Variants in CNKSR2 observed in about 807,000 individuals in gnomAD.
The protein encoded by CNKSR2 is connector enhancer of kinase suppressor of Ras 2, also known as CNK homolog protein 2.
Under a neutral mutation model 84.4 loss-of-function variants are expected in CNKSR2, and 14 were observed. That is an observed-to-expected ratio of 0.17 (90% CI 0.11 to 0.26). The LOEUF (loss-of-function observed/expected upper bound fraction) is 0.26. CNKSR2 is among the 10% of genes least tolerant of loss of function. The pLI is 1.00. For missense variants in CNKSR2, 485 were observed against 771.2 expected, an observed-to-expected ratio of 0.63 and a Z score of 4.40; for synonymous variants, 275 against 277.9, an observed-to-expected ratio of 0.99 and a Z score of 0.10.
At chrX:21,486,160 T>C (rs985531542) in intron 5 of CNKSR2, among the ~76,000 whole-genome samples, 2 of 111,966 alleles carry the variant, frequency 1.8e-5, no homozygotes, top group Admixed American at 9.5e-5. Context: ...TAATTTGATA[T>C]GAATATTGCG....
intron 4 of CNKSR2, among the ~76,000 whole-genome samples, chrX:21,454,421 T>A (rs2147111990): frequency 8.9e-6 from 1 of 112,489 alleles, no homozygotes; most frequent in Non-Finnish European, 1.9e-5. Context: ...GCTTATTAAA[T>A]AATCTTATTG....
intron 11 of CNKSR2, among the ~76,000 whole-genome samples, chrX:21,545,815 G>C (rs141259712): frequency 0.019 from 2,148 of 112,058 alleles, 61 homozygotes; most frequent in African/African-American, 0.066. Flanking sequence ...AACTCCAGCA[G>C]ACCTGCACCA....
At chrX:21,420,795 C>T (rs963449516) in intron 1 of CNKSR2, among the ~76,000 whole-genome samples, 7 of 110,063 alleles carry the variant, frequency 6.4e-5, no homozygotes, top group Admixed American at 5.8e-4. Flanking sequence ...TCTCCTCAAG[C>T]GGAAGGAAGG....
chrX:21,591,772 C>T (rs1021723508), intron 15 of CNKSR2: 5 of 110,701 alleles, frequency 4.5e-5, no homozygotes, highest in African/African-American at 1.6e-4. Context: ...TTTAATATAA[C>T]AGATTTATAT....
intron 5 of CNKSR2, among the ~76,000 whole-genome samples, chrX:21,480,539 C>T (rs755338843): frequency 8.9e-6 from 1 of 112,112 alleles, no homozygotes; most frequent in East Asian, 2.8e-4. Flanking sequence ...GAACCTGCCA[C>T]AAGCCTGCTT....
chrX:21,562,002 C>A lies in CNKSR2; in HGVS notation c.1393+442C>A, dbSNP rs1370053185. On this transcript the variant is annotated intron_variant, in intron 12 of 21. Transcript: ENST00000379510. ...AAGCTAATGGAAACTGGGCCAGTGACTTCTAACAAAAACCATGTAGAAATA... is the reference window on the plus strand; with the variant it reads ...AAGCTAATGGAAACTGGGCCAGTGAATTCTAACAAAAACCATGTAGAAATA... Among the ~76,000 whole-genome samples, 4 of 108,081 alleles carry A rather than the reference C, an allele frequency of 3.7e-5. No homozygotes were observed. In the East Asian group the frequency reaches 1.2e-3, roughly 31 times the overall value. The allele number at this position is 108,081 out of a possible 115,157, so 93.9% of individuals were successfully genotyped here. A position where few individuals can be genotyped will look rare whatever the true frequency, so the allele number is the denominator to read the frequency against.
At chrX:21,610,205 C>T (rs777305983) in intron 20 of CNKSR2, among the ~76,000 whole-genome samples, 63 of 112,506 alleles carry the variant, frequency 5.6e-4, no homozygotes, top group African/African-American at 2.0e-3. Context: ...ACCAATTTTC[C>T]AAAAGCATCC....
At position 21,595,037 on chromosome X, in the gene CNKSR2, C is replaced by T; in HGVS notation, c.1894C>T (p.Arg632Cys). The change falls in exon 16 of 22, where the codon CGC becomes TGC. Residue 632 changes from arginine (R) to cysteine (C), a missense_variant. Arg to Cys is a radical substitution (Grantham distance 180). This residue lies in a region of CNKSR2 where 30 missense variants were observed against 78.9 expected (regional missense o/e 0.38). Coordinates refer to ENST00000379510, the MANE Select transcript of CNKSR2 (RefSeq NM_014927.5). Reference sequence around the variant, plus strand: ...TAAAATTGATAGAGCCAGTGAATGCCGCAAAAAATAGTAAGTTGATTTTAT... The same window carrying T: ...TAAAATTGATAGAGCCAGTGAATGCTGCAAAAAATAGTAAGTTGATTTTAT... ...EFKIDRASECRKKYAFKACHP... is the reference protein window; with the variant it reads ...EFKIDRASECCKKYAFKACHP... 8.4e-7 allele frequency: 1 copy of T among 1,186,302 alleles called. No homozygotes were observed. Among genetic ancestry groups the T allele is most frequent in the Non-Finnish European group, 1.1e-6 (1 of 875,759 alleles).
At chrX:21,600,305 G>GT (rs1196243190) in intron 17 of CNKSR2, among the ~76,000 whole-genome samples, 1 of 111,982 alleles carries the variant, frequency 8.9e-6, no homozygotes, top group East Asian at 2.8e-4. Flanking sequence ...AGGAGAAAAA[G>GT]TTCTCAAACA....
chrX:21,415,406 C>T (rs1211540847), intron 1 of CNKSR2, among the ~76,000 whole-genome samples: 1 of 110,127 alleles, frequency 9.1e-6, no homozygotes, highest in African/African-American at 3.3e-5. Context: ...ATTTTGTATC[C>T]TGTAACTTTA....
At chrX:21,427,324 T>C (rs2090578996) in intron 2 of CNKSR2, 2 of 111,845 alleles carry the variant, frequency 1.8e-5, no homozygotes, top group African/African-American at 6.5e-5. Context: ...CCCAAAGAGG[T>C]CAAATGTTAA....
At chrX:21,454,374 C>T (rs2090971982) in intron 4 of CNKSR2, among the ~76,000 whole-genome samples, 1 of 112,130 alleles carries the variant, frequency 8.9e-6, no homozygotes, top group Non-Finnish European at 1.9e-5. Context: ...TACTTGTTTG[C>T]TTACTGCACA....
At chrX:21,551,612 A>C (rs1189727760) in intron 11 of CNKSR2, among the ~76,000 whole-genome samples, 1 of 111,980 alleles carries the variant, frequency 8.9e-6, no homozygotes, top group Non-Finnish European at 1.9e-5. Context: ...ATTGTCCCCC[A>C]GGGGACATTT....
In CNKSR2 at chrX:21,418,562, A is replaced by G. The variant is rs763724849; in HGVS notation, c.65-7935A>G. On this transcript the variant is annotated intron_variant, in intron 1 of 21. Coordinates refer to ENST00000379510, the MANE Select transcript of CNKSR2 (RefSeq NM_014927.5). ...TTTGAAGAATATTTTTGCTGTTTAT[A>G]CTCTTCTAGGGTAAAAGTTTTTTCC... Among the ~76,000 whole-genome samples, 17 of 110,932 alleles carry G rather than the reference A, an allele frequency of 1.5e-4. No individual in the cohort carries two copies. The East Asian group carries it at 4.8e-3, about 32-fold the overall frequency.
At chrX:21,433,980 TTTAAA>T (rs759992685) in intron 3 of CNKSR2, among the ~76,000 whole-genome samples, 2 of 111,031 alleles carry the variant, frequency 1.8e-5, no homozygotes, top group African/African-American at 3.3e-5. Context: ...TTATCAAGTG[TTTAAA>T]TTAATTGAAT....
chrX:21,582,608 C>G (rs944801253), intron 13 of CNKSR2, among the ~76,000 whole-genome samples: 6 of 111,654 alleles, frequency 5.4e-5, no homozygotes, highest in African/African-American at 2.0e-4. Flanking sequence ...GTCTCAGTTT[C>G]CTCTTTCTTA....
intron 21 of CNKSR2, among the ~76,000 whole-genome samples, chrX:21,649,843 A>T (rs1229328161): frequency 8.9e-6 from 1 of 112,340 alleles, no homozygotes; most frequent in East Asian, 2.8e-4. Flanking sequence ...ATCACTGGTC[A>T]TTAGAGAAAT....
At chrX:21,518,647 TTAA>T (rs2091752788) in intron 9 of CNKSR2, among the ~76,000 whole-genome samples, 1 of 111,598 alleles carries the variant, frequency 9.0e-6, no homozygotes, top group Non-Finnish European at 1.9e-5. Flanking sequence ...AAAAAGGACT[TTAA>T]TTTTAAAAAT....
At chrX:21,484,212 A>T (rs2147171941) in intron 5 of CNKSR2, among the ~76,000 whole-genome samples, 1 of 111,504 alleles carries the variant, frequency 9.0e-6, no homozygotes, top group East Asian at 2.8e-4. Flanking sequence ...AATCACTTGC[A>T]CCGAGGAGTC....
Sources: allele counts gnomAD v4.1 joint callset (sites outside exome capture counted in the v4.1 genomes callset), GRCh38; gene constraint gnomAD v4.1.1; regional missense constraint gnomAD v4.1.1; transcripts MANE v1.5; gene names NCBI Gene and HGNC (gene_info 2026-07-23, HGNC 2026-07-21).